The following PDE3B variants were observed in gnomAD, a reference collection of about 807,000 sequenced individuals.
PDE3B encodes the protein phosphodiesterase 3B, also known as cGMP-inhibited 3',5'-cyclic phosphodiesterase 3B.
Under a neutral mutation model 116.8 loss-of-function variants are expected in PDE3B, and 66 were observed. That is an observed-to-expected ratio of 0.56 (90% CI 0.46 to 0.69). The LOEUF (loss-of-function observed/expected upper bound fraction) is 0.69, where lower values mean the gene tolerates loss of function less well. Ranked by LOEUF, PDE3B falls within the 30% of genes least tolerant of loss-of-function variation. PDE3B has a pLI of 0.00. For missense variants in PDE3B, 1,384 were observed against 1,368.1 expected (o/e 1.01, Z -0.18); for synonymous variants, 595 against 533.6 (o/e 1.12, Z -1.59).
intron 1 of PDE3B, among the ~76,000 whole-genome samples, chr11:14,665,300 C>T (rs1337202103): frequency 6.6e-6 from 1 of 152,184 alleles, no homozygotes; most frequent in South Asian, 2.1e-4. Context: ...GACAGACCCA[C>T]AGCCAATATC....
rs539937018 is a variant in PDE3B, at chr11:14,823,951, A to G, written c.1807+4742A>G. 5.3e-5 allele frequency among the ~76,000 whole-genome samples: 8 copies of G among 152,260 alleles called. No individual in the cohort carries two copies. The East Asian group carries it at 1.5e-3, about 29-fold the overall frequency. ...CTCCCAGTGGGAGGGGTGGGTTGCT[A>G]TCTTTGCTTTCTCACAGCCTTAGGC... On this transcript the variant is annotated intron_variant, in intron 7 of 15. Transcript: ENST00000282096.
intron 14 of PDE3B, among the ~76,000 whole-genome samples, chr11:14,862,243 G>A (rs1194604900): frequency 1.3e-5 from 2 of 152,128 alleles, no homozygotes; most frequent in African/African-American, 4.8e-5. Flanking sequence ...TTCTGATGGG[G>A]TTGGGGGTGG....
At chr11:14,684,880 G>A (rs918429729) in intron 1 of PDE3B, among the ~76,000 whole-genome samples, 19 of 152,056 alleles carry the variant, frequency 1.2e-4, no homozygotes, top group Admixed American at 1.2e-3. Context: ...CCTTATGGTT[G>A]TCTTCCCATG....
intron 1 of PDE3B, among the ~76,000 whole-genome samples, chr11:14,688,013 T>C (rs986298151): frequency 2.5e-4 from 38 of 152,164 alleles, no homozygotes; most frequent in Non-Finnish European, 1.6e-4. Context: ...ATTTCTGTGA[T>C]ACTCAGGTGA....
At chr11:14,787,497 A>G (rs1858246624) in intron 3 of PDE3B, among the ~76,000 whole-genome samples, 5 of 151,966 alleles carry the variant, frequency 3.3e-5, no homozygotes, top group Admixed American at 3.3e-4. Flanking sequence ...AAATAGGTAA[A>G]TATAGTTTTT....
chr11:14,813,241 T>G (rs1378334497), intron 5 of PDE3B, among the ~76,000 whole-genome samples: 1 of 152,092 alleles, frequency 6.6e-6, no homozygotes. Flanking sequence ...ATTCTGGAGG[T>G]CAGAAGTTTA....
At chr11:14,658,425 C>T (rs546009436) in intron 1 of PDE3B, among the ~76,000 whole-genome samples, 2 of 152,050 alleles carry the variant, frequency 1.3e-5, no homozygotes, top group African/African-American at 2.4e-5. Flanking sequence ...GGCACTATCT[C>T]GGCTCACTGC....
chr11:14,685,529 C>T (rs1310363117), intron 1 of PDE3B, among the ~76,000 whole-genome samples: 1 of 145,726 alleles, frequency 6.9e-6, no homozygotes, highest in African/African-American at 2.5e-5. Context: ...AATCTCGGCT[C>T]CCTGAAACCT....
intron 11 of PDE3B, among the ~76,000 whole-genome samples, chr11:14,839,951 C>G (rs2133970354): frequency 6.6e-6 from 1 of 152,226 alleles, no homozygotes; most frequent in South Asian, 2.1e-4. Context: ...GATATTTCCT[C>G]CGAGTTGAGG....
rs1295711385 is a variant in PDE3B, at chr11:14,644,340, G to C, written c.265G>C (p.Val89Leu). 2 of 1,585,252 alleles carry C rather than the reference G, an allele frequency of 1.3e-6. No homozygotes were observed. The highest frequency in any genetic ancestry group is 1.7e-6 in the Non-Finnish European group (2 of 1,169,564). ...RLSLGALAAF[V>L]LALLLGAEPE... ...CTCGCTGGGCGCCCTGGCTGCCTTTGTCCTCGCCCTGCTGCTGGGCGCGGA... is the reference window on the plus strand; with the variant it reads ...CTCGCTGGGCGCCCTGGCTGCCTTTCTCCTCGCCCTGCTGCTGGGCGCGGA... Residue 89 changes from valine (V) to leucine (L), a missense_variant, in exon 1 of 16, where the codon GTC becomes CTC. Val to Leu is a conservative substitution (Grantham distance 32). Transcript: ENST00000282096.
At chr11:14,837,170 C>G (rs1860083506) in intron 11 of PDE3B, among the ~76,000 whole-genome samples, 1 of 152,206 alleles carries the variant, frequency 6.6e-6, no homozygotes, top group African/African-American at 2.4e-5. Flanking sequence ...TGACCCTGAC[C>G]TTTTGATCTT....
chr11:14,664,811 G>A (rs1854072422), intron 1 of PDE3B, among the ~76,000 whole-genome samples: 2 of 152,158 alleles, frequency 1.3e-5, no homozygotes, highest in Admixed American at 1.3e-4. Flanking sequence ...GGACCAGATG[G>A]ATTCACAGCC....
intron 1 of PDE3B, among the ~76,000 whole-genome samples, chr11:14,679,793 A>G (rs1447659110): frequency 6.6e-6 from 1 of 151,956 alleles, no homozygotes; most frequent in Non-Finnish European, 1.5e-5. Flanking sequence ...GCTAAGGACA[A>G]AAGAAACCCA....
intron 1 of PDE3B, among the ~76,000 whole-genome samples, chr11:14,752,141 G>A (rs371928333): frequency 6.6e-6 from 1 of 152,216 alleles, no homozygotes. Flanking sequence ...ACATTTGTTT[G>A]TTTCTAAGAG....
At chr11:14,841,360 T>A (rs1005706677) in intron 11 of PDE3B, among the ~76,000 whole-genome samples, 2 of 147,300 alleles carry the variant, frequency 1.4e-5, no homozygotes, top group South Asian at 2.1e-4. Flanking sequence ...TATATATATA[T>A]AAAATATATA....
intron 1 of PDE3B, among the ~76,000 whole-genome samples, chr11:14,713,131 G>C (rs1855757931): frequency 6.6e-6 from 1 of 152,216 alleles, no homozygotes; most frequent in African/African-American, 2.4e-5. Context: ...CATTCTGATA[G>C]AGTGTTAAAA....
chr11:14,812,189 T>C, intron 5 of PDE3B, among the ~76,000 whole-genome samples: 1 of 152,182 alleles, frequency 6.6e-6, no homozygotes, highest in Non-Finnish European at 1.5e-5. Flanking sequence ...GTGGTGATAG[T>C]TGCACAACTC....
chr11:14,873,460 T>A (rs1313454962), downstream of PDE3B, among the ~76,000 whole-genome samples: 1 of 152,160 alleles, frequency 6.6e-6, no homozygotes. Flanking sequence ...AGTTATGGTT[T>A]AAGATAGATA....
At chr11:14,681,951 A>C (rs983932366) in intron 1 of PDE3B, among the ~76,000 whole-genome samples, 3 of 152,204 alleles carry the variant, frequency 2.0e-5, no homozygotes, top group African/African-American at 7.2e-5. Flanking sequence ...TGTTGACTGG[A>C]AGCCTTACCA....
Sources: allele counts gnomAD v4.1 joint callset (sites outside exome capture counted in the v4.1 genomes callset), GRCh38; gene constraint gnomAD v4.1.1; transcripts MANE v1.5; gene names NCBI Gene and HGNC (gene_info 2026-07-23, HGNC 2026-07-21).